SRGAP1: variants seen among roughly 807,000 people sequenced by gnomAD.
The protein encoded by SRGAP1 is SLIT-ROBO Rho GTPase activating protein 1, also known as SLIT-ROBO Rho GTPase-activating protein 1.
SRGAP1 carries 43 observed loss-of-function variants against 121.9 expected under a neutral mutation model. The ratio of observed to expected loss-of-function variants is 0.35; its 90% confidence interval spans 0.28 to 0.46. SRGAP1 has a LOEUF of 0.46. SRGAP1 is among the 20% of genes least tolerant of loss of function. SRGAP1 has a pLI of 1.00. For missense variants in SRGAP1, 1,102 were observed against 1,350.9 expected, an observed-to-expected ratio of 0.82 and a Z score of 2.89; for synonymous variants, 447 against 485.4, an observed-to-expected ratio of 0.92 and a Z score of 1.04.
chr12:64,041,799 A>C (rs1218186414), intron 4 of SRGAP1, among the ~76,000 whole-genome samples: 1 of 151,642 alleles, frequency 6.6e-6, no homozygotes, highest in Non-Finnish European at 1.5e-5. Context: ...TTCATAGAGA[A>C]AAGGCTGGAA....
chr12:63,872,119 T>C lies in SRGAP1; in HGVS notation c.67+27236T>C. On this transcript the variant is annotated intron_variant, in intron 1 of 21. Transcript: ENST00000355086. ...CCGAGACCCTTGCCTTGTACAGCTC[T>C]CACCTAACCGGGAGTTTTTCTTTAA... 1.5e-5 allele frequency: 8 copies of C among 533,122 alleles called. No individual in the cohort carries two copies. The South Asian group carries it at 2.2e-4, about 15-fold the overall frequency. 33.0% of individuals were successfully genotyped at this position (533,122 alleles called of 1,614,324 possible).
intron 6 of SRGAP1, among the ~76,000 whole-genome samples, chr12:64,054,364 A>G (rs1461095657): frequency 6.6e-6 from 1 of 152,114 alleles, no homozygotes; most frequent in African/African-American, 2.4e-5. Context: ...ATCCTTTTTT[A>G]TCTTTTCTGA....
At chr12:63,850,006 CATTG>C in intron 1 of SRGAP1, among the ~76,000 whole-genome samples, 1 of 152,294 alleles carries the variant, frequency 6.6e-6, no homozygotes, top group South Asian at 2.1e-4. Context: ...GAGTTAATTA[CATTG>C]ATTAACTCTA....
At chr12:64,076,190 ACT>A (rs2035735437) in intron 8 of SRGAP1, among the ~76,000 whole-genome samples, 2 of 152,198 alleles carry the variant, frequency 1.3e-5, no homozygotes, top group Non-Finnish European at 2.9e-5. Context: ...ACCTCAAGTA[ACT>A]CTACAAAAAA....
chr12:63,939,013 A>G (rs943582064), intron 1 of SRGAP1, among the ~76,000 whole-genome samples: 1 of 142,068 alleles, frequency 7.0e-6, no homozygotes, highest in Non-Finnish European at 1.5e-5. Flanking sequence ...AAAATTAGCC[A>G]GGTGTGATGG....
chr12:63,927,777 A>G (rs1374202344), intron 1 of SRGAP1, among the ~76,000 whole-genome samples: 1 of 151,890 alleles, frequency 6.6e-6, no homozygotes, highest in African/African-American at 2.4e-5. Context: ...TTGGTAATAT[A>G]CCATAATGTT....
intron 17 of SRGAP1, among the ~76,000 whole-genome samples, chr12:64,112,278 T>C (rs1431473710): frequency 2.0e-5 from 3 of 152,192 alleles, no homozygotes; most frequent in Non-Finnish European, 4.4e-5. Context: ...TATCATTACA[T>C]TAAATCAAGA....
At chr12:64,022,382 A>ATCACACAGAGAGAGTGAAT (rs1299620483) in intron 4 of SRGAP1, among the ~76,000 whole-genome samples, 10 of 152,192 alleles carry the variant, frequency 6.6e-5, no homozygotes, top group Non-Finnish European at 1.2e-4. Context: ...CTCAAAGACC[A>ATCACACAGAGAGAGTGAAT]TCACACAGAG....
Position 64,128,087 on chromosome 12 carries a change from C to T in SRGAP1, c.2767C>T (p.Arg923Trp), listed in dbSNP as rs200877785. The T allele has an allele frequency of 2.1e-5, 34 of 1,614,118 alleles. No individual in the cohort carries two copies. The highest frequency in any genetic ancestry group is 6.7e-5 in the Admixed American group (4 of 60,018). Residue 923 changes from arginine (R) to tryptophan (W), a missense_variant, in exon 21 of 22, where the codon CGG becomes TGG. Around this residue, in one of 3 missense-constraint regions of SRGAP1, gnomAD observed 315 missense variants for 343.1 expected, o/e 0.92. Transcript: ENST00000355086. Reference protein sequence around the residue: ...PGHGSLTNISRHDSLKKIDSP... With the variant: ...PGHGSLTNISWHDSLKKIDSP... ...CCATGGCAGCCTGACCAACATCAGC[C>T]GGCACGACTCCCTCAAGAAGATCGA...
intron 21 of SRGAP1, among the ~76,000 whole-genome samples, chr12:64,135,526 C>T (rs2036844334): frequency 6.6e-6 from 1 of 152,104 alleles, no homozygotes; most frequent in African/African-American, 2.4e-5. Context: ...CCTTGGTTCT[C>T]TACATAATAC....
chr12:63,953,514 C>T (rs2032364471), intron 1 of SRGAP1, among the ~76,000 whole-genome samples: 1 of 151,310 alleles, frequency 6.6e-6, no homozygotes, highest in South Asian at 2.1e-4. Context: ...GCGATCCTTC[C>T]ACTTTAGCCT....
chr12:63,918,437 A>G (rs1592945139), intron 1 of SRGAP1, among the ~76,000 whole-genome samples: 1 of 152,224 alleles, frequency 6.6e-6, no homozygotes, highest in East Asian at 1.9e-4. Flanking sequence ...TCTTTTTTTA[A>G]GACAAGCCTC....
intron 1 of SRGAP1, among the ~76,000 whole-genome samples, chr12:63,947,609 T>C (rs528914698): frequency 2.2e-4 from 33 of 148,262 alleles, no homozygotes; most frequent in Admixed American, 1.4e-3. Flanking sequence ...GTGGATCTCT[T>C]TCTAGATTCT....
At chr12:63,961,372 G>T (rs776414252) in intron 1 of SRGAP1, among the ~76,000 whole-genome samples, 11 of 152,146 alleles carry the variant, frequency 7.2e-5, no homozygotes, top group Non-Finnish European at 1.0e-4. Context: ...TGGAAGCCTC[G>T]CCCCCTTCTT....
chr12:64,085,792 C>T (rs887600504), intron 10 of SRGAP1, among the ~76,000 whole-genome samples: 2 of 152,170 alleles, frequency 1.3e-5, no homozygotes, highest in African/African-American at 4.8e-5. Context: ...ATAAGTAGAA[C>T]TGGGAAGAGG....
At position 64,146,334 on chromosome 12, in the gene SRGAP1, T is replaced by G. The variant is rs566968653; in HGVS notation, c.*3662T>G. The G allele has an allele frequency of 2.6e-5, 4 of 152,138 alleles. No homozygotes were observed. The highest frequency in any genetic ancestry group is 9.7e-5 in the African/African-American group (4 of 41,426). The allele number at this position is 152,138 out of a possible 1,614,324, so 9.4% of individuals were successfully genotyped here. On this transcript the variant is annotated 3_prime_UTR_variant, in exon 22 of 22. Transcript: ENST00000355086. Reference sequence around the variant, plus strand: ...TGGATATAGTGCTCCAAGAGTCAAATTGTATCCGTTAAGGGTTTTCTAACT... The same window carrying G: ...TGGATATAGTGCTCCAAGAGTCAAAGTGTATCCGTTAAGGGTTTTCTAACT...
chr12:63,932,610 T>A (rs1329515286), intron 1 of SRGAP1, among the ~76,000 whole-genome samples: 1 of 151,722 alleles, frequency 6.6e-6, no homozygotes, highest in Non-Finnish European at 1.5e-5. Context: ...AAATTAGTTA[T>A]CTTAAAGATT....
chr12:64,161,964 A>G lies in SRGAP1; in HGVS notation c.*19292A>G, dbSNP rs2037211994. ...CATTATTACGTGAAATAAGCCAGTCATAAACCACATATTGTGTATATTTTA... is the reference window on the plus strand; with the variant it reads ...CATTATTACGTGAAATAAGCCAGTCGTAAACCACATATTGTGTATATTTTA... On this transcript the variant is annotated 3_prime_UTR_variant, in exon 22 of 22. Transcript: ENST00000355086. 1 of 152,252 alleles carries G rather than the reference A, an allele frequency of 6.6e-6. No individual in the cohort carries two copies. The highest frequency in any genetic ancestry group is 1.5e-5 in the Non-Finnish European group (1 of 68,040). The allele number at this position is 152,252 out of a possible 1,614,324, so 9.4% of individuals were successfully genotyped here.
At chr12:63,871,489 C>T (rs1465649885) in intron 1 of SRGAP1, among the ~76,000 whole-genome samples, 2 of 152,138 alleles carry the variant, frequency 1.3e-5, no homozygotes, top group African/African-American at 4.8e-5. Flanking sequence ...CGTAGGGCTT[C>T]GCTAGCACAT....
Sources: allele counts gnomAD v4.1 joint callset (sites outside exome capture counted in the v4.1 genomes callset), GRCh38; gene constraint gnomAD v4.1.1; regional missense constraint gnomAD v4.1.1; transcripts MANE v1.5; gene names NCBI Gene and HGNC (gene_info 2026-07-23, HGNC 2026-07-21).